The following TTC3 variants were observed in gnomAD, a reference collection of about 807,000 sequenced individuals.
TTC3 encodes tetratricopeptide repeat domain 3.
Under a neutral mutation model 249.6 loss-of-function variants are expected in TTC3, and 180 were observed. That is an observed-to-expected ratio of 0.72 (90% CI 0.64 to 0.82). TTC3 has a LOEUF of 0.82. Ranked by LOEUF, TTC3 falls within the 40% of genes least tolerant of loss-of-function variation. The pLI is 0.00. For synonymous variants in TTC3, 717 were observed against 805.0 expected (o/e 0.89, Z 1.85); for missense variants, 2,061 against 2,398.4 (o/e 0.86, Z 2.94).
chr21:37,141,229 C>G (rs2078415972), intron 20 of TTC3, among the ~76,000 whole-genome samples: 1 of 152,130 alleles, frequency 6.6e-6, no homozygotes, highest in East Asian at 1.9e-4. Context: ...CCTGAGGGGA[C>G]AGGATTATGT....
chr21:37,093,379 CAA>C (rs766230187), intron 7 of TTC3: 5 of 59,126 alleles, frequency 8.5e-5, no homozygotes, highest in African/African-American at 1.1e-4. Context: ...AACTCCATCT[CAA>C]AAAAAAAAAA....
chr21:37,156,532 A>T, intron 27 of TTC3, 123 bp from the exon 28 acceptor site: 1 of 1,217,848 alleles, frequency 8.2e-7, no homozygotes, highest in Non-Finnish European at 1.1e-6. Context: ...TCAACTATTT[A>T]AATGTTTTTG....
At chr21:37,201,071 C>T (rs1380287431) in intron 45 of TTC3, among the ~76,000 whole-genome samples, 1 of 152,084 alleles carries the variant, frequency 6.6e-6, no homozygotes, top group Non-Finnish European at 1.5e-5. Context: ...AGGGCCAAGG[C>T]CAGGCCAAGG....
At chr21:37,196,620 A>C (rs1229875875) in intron 42 of TTC3, among the ~76,000 whole-genome samples, 1 of 152,242 alleles carries the variant, frequency 6.6e-6, no homozygotes, top group African/African-American at 2.4e-5. Context: ...ACAATTTGCT[A>C]AGATTTTGAT....
chr21:37,180,445 T>A (rs1291958902), intron 35 of TTC3, among the ~76,000 whole-genome samples: 3 of 151,860 alleles, frequency 2.0e-5, no homozygotes, highest in Admixed American at 1.3e-4. Context: ...AAATGATGAG[T>A]TCATGTCCTT....
At chr21:37,159,337 G>A (rs1205849650) in intron 28 of TTC3, among the ~76,000 whole-genome samples, 7 of 152,102 alleles carry the variant, frequency 4.6e-5, no homozygotes, top group African/African-American at 1.2e-4. Context: ...TGTGTTTCAC[G>A]TGGTCCTTAG....
intron 15 of TTC3, among the ~76,000 whole-genome samples, chr21:37,127,591 A>G (rs1380148954): frequency 6.6e-6 from 1 of 152,220 alleles, no homozygotes; most frequent in Non-Finnish European, 1.5e-5. Flanking sequence ...GGTTGTGGTC[A>G]CACATAACAG....
rs569565141 is a variant in TTC3, at chr21:37,157,782, C to T, written c.2992+876C>T. Among the ~76,000 whole-genome samples the T allele has an allele frequency of 2.6e-4, 39 of 152,292 alleles. No individual in the cohort carries two copies. The South Asian group carries it at 6.4e-3, about 25-fold the overall frequency. ...TTTCTCTTAGATCTTAATTTCCTCA[C>T]ATTAAAATGAGATGATTTGGAGGCA... On this transcript the variant is annotated intron_variant, in intron 28 of 45. Coordinates refer to ENST00000355666, the Ensembl canonical transcript of TTC3.
At chr21:37,076,648 A>G (rs2070901390) in intron 1 of TTC3, among the ~76,000 whole-genome samples, 1 of 146,632 alleles carries the variant, frequency 6.8e-6, no homozygotes, top group African/African-American at 2.5e-5. Context: ...GAATCTTACT[A>G]TGGCATTGCC....
At chr21:37,150,027 T>TC (rs1480762802) in intron 23 of TTC3, 51 bp from the exon 24 acceptor site, 2 of 1,318,178 alleles carry the variant, frequency 1.5e-6, no homozygotes, top group South Asian at 1.3e-5. Flanking sequence ...TATAGATTTA[T>TC]CCCCCCTAGA....
At position 37,161,988 on chromosome 21, in the gene TTC3, A is replaced by G; in HGVS notation, c.3097-2A>G. 1 of 1,559,876 alleles carries G rather than the reference A, an allele frequency of 6.4e-7. No homozygotes were observed. The highest frequency in any genetic ancestry group is 8.7e-7 in the Non-Finnish European group (1 of 1,149,532). ...TTGTCATTTTTCTGTCTTTTAAACC[A>G]GCCTATGTTAGTTGGGTCTGGAACA... is the stretch of plus-strand genomic sequence containing the variant. On this transcript the variant is annotated splice_acceptor_variant, in intron 30 of 45. Transcript: ENST00000355666. LOFTEE classifies it high-confidence loss of function.
chr21:37,160,657 C>A, intron 29 of TTC3, 145 bp from the exon 30 acceptor site: 2 of 753,412 alleles, frequency 2.7e-6, no homozygotes, highest in Non-Finnish European at 4.3e-6. Flanking sequence ...AGCACTTGGG[C>A]TGATACACTG....
chr21:37,166,010 T>C, exon 33 of TTC3: 2 of 1,614,154 alleles, frequency 1.2e-6, no homozygotes, highest in Non-Finnish European at 1.7e-6. Flanking sequence ...TAGACAAGTT[T>C]CTGAGGATGG....
At chr21:37,103,265 C>T (rs145282621) in intron 10 of TTC3, among the ~76,000 whole-genome samples, 1 of 152,208 alleles carries the variant, frequency 6.6e-6, no homozygotes, top group Non-Finnish European at 1.5e-5. Flanking sequence ...AATAAAAACA[C>T]TTCCCTATGT....
At chr21:37,158,057 T>C in intron 28 of TTC3, 1 of 920,186 alleles carries the variant, frequency 1.1e-6, no homozygotes, top group Non-Finnish European at 1.3e-6. Context: ...ATATAAGGAG[T>C]GGAAAGCTTA....
At chr21:37,137,547 T>C (rs770162903) in intron 18 of TTC3, among the ~76,000 whole-genome samples, 1 of 152,070 alleles carries the variant, frequency 6.6e-6, no homozygotes, top group Non-Finnish European at 1.5e-5. Context: ...GGATAAAACT[T>C]GAAGGGATAA....
chr21:37,132,476 A>G (rs909835027), intron 16 of TTC3, among the ~76,000 whole-genome samples: 1 of 151,438 alleles, frequency 6.6e-6, no homozygotes, highest in African/African-American at 2.4e-5. Flanking sequence ...CCACGCCAGG[A>G]TAATTTTTGT....
chr21:37,132,867 A>G, intron 17 of TTC3, 101 bp downstream of exon 17: 1 of 843,534 alleles, frequency 1.2e-6, no homozygotes, highest in Non-Finnish European at 1.7e-6. Context: ...AGTTTTTTTT[A>G]TATAATTATT....
chr21:37,127,022 T>G (rs768909575), intron 15 of TTC3, among the ~76,000 whole-genome samples: 1 of 152,134 alleles, frequency 6.6e-6, no homozygotes, highest in Non-Finnish European at 1.5e-5. Flanking sequence ...ACCAGGCTAA[T>G]TTTTGTATTT....
Sources: allele counts gnomAD v4.1 joint callset (sites outside exome capture counted in the v4.1 genomes callset), GRCh38; gene constraint gnomAD v4.1.1; transcripts MANE v1.5; gene names NCBI Gene and HGNC (gene_info 2026-07-23, HGNC 2026-07-21).